UNC79: variants seen among roughly 807,000 people sequenced by gnomAD.
UNC79 encodes the protein protein unc-79 homolog.
A neutral mutation model predicts 283.1 loss-of-function variants in UNC79; 37 were observed. That is an observed-to-expected ratio of 0.13 (90% CI 0.10 to 0.17). The LOEUF is 0.17. Ranked by LOEUF, UNC79 falls within the 10% of genes least tolerant of loss-of-function variation. UNC79 has a pLI of 1.00. For missense variants in UNC79, 2,272 were observed against 3,211.1 expected, an observed-to-expected ratio of 0.71 and a Z score of 7.07; for synonymous variants, 1,107 against 1,200.2, an observed-to-expected ratio of 0.92 and a Z score of 1.61.
intron 1 of UNC79, among the ~76,000 whole-genome samples, chr14:93,438,211 G>T (rs2056162773): frequency 4.6e-5 from 7 of 152,004 alleles, no homozygotes; most frequent in Admixed American, 4.6e-4. Context: ...TTGGCTTTGA[G>T]CCTCTAATCA....
intron 40 of UNC79, among the ~76,000 whole-genome samples, chr14:93,665,071 A>G (rs1409180568): frequency 6.6e-6 from 1 of 151,646 alleles, no homozygotes; most frequent in African/African-American, 2.4e-5. Context: ...AAAAATGACA[A>G]TATATAAGTG....
chr14:93,371,860 AC>A (rs1287580519), intron 1 of UNC79, among the ~76,000 whole-genome samples: 7 of 152,160 alleles, frequency 4.6e-5, no homozygotes, highest in Non-Finnish European at 7.3e-5. Flanking sequence ...ACCAAAAAAA[AC>A]AACTGACTTC....
intron 10 of UNC79, among the ~76,000 whole-genome samples, chr14:93,530,819 G>C (rs1016270817): frequency 6.6e-6 from 1 of 152,146 alleles, no homozygotes; most frequent in Non-Finnish European, 1.5e-5. Context: ...TGAGGCAGGA[G>C]AATGGCGTGA....
At chr14:93,384,934 A>T (rs2054738768) in intron 1 of UNC79, among the ~76,000 whole-genome samples, 1 of 152,202 alleles carries the variant, frequency 6.6e-6, no homozygotes, top group Admixed American at 6.5e-5. Flanking sequence ...TTTATTGAAG[A>T]GACTGCCTTT....
intron 14 of UNC79, among the ~76,000 whole-genome samples, chr14:93,563,798 G>A (rs1033551679): frequency 4.6e-5 from 7 of 152,134 alleles, no homozygotes; most frequent in South Asian, 2.1e-4. Flanking sequence ...GTGGGAGCCC[G>A]GATTGAAGTC....
At chr14:93,652,117 G>C (rs2070351073) in intron 35 of UNC79, among the ~76,000 whole-genome samples, 2 of 152,006 alleles carry the variant, frequency 1.3e-5, no homozygotes, top group South Asian at 2.1e-4. Flanking sequence ...TGTAATCATA[G>C]AGATGGGAGA....
At chr14:93,537,220 C>G (rs181238530) in intron 11 of UNC79, among the ~76,000 whole-genome samples, 1 of 152,368 alleles carries the variant, frequency 6.6e-6, no homozygotes, top group East Asian at 1.9e-4. Flanking sequence ...CTGCCTCACT[C>G]CTCTGCCTCC....
intron 41 of UNC79, among the ~76,000 whole-genome samples, chr14:93,682,387 C>T (rs2073917203): frequency 6.6e-6 from 1 of 152,122 alleles, no homozygotes; most frequent in Non-Finnish European, 1.5e-5. Context: ...TGCACCATTT[C>T]AGTGCCACTT....
At chr14:93,458,954 G>A (rs995221213) in intron 1 of UNC79, among the ~76,000 whole-genome samples, 7 of 152,186 alleles carry the variant, frequency 4.6e-5, no homozygotes, top group African/African-American at 1.7e-4. Flanking sequence ...CAAAAATTTT[G>A]GAAGCAGATA....
chr14:93,525,408 C>T (rs892892582), intron 8 of UNC79, among the ~76,000 whole-genome samples: 1 of 151,844 alleles, frequency 6.6e-6, no homozygotes, highest in Non-Finnish European at 1.5e-5. Flanking sequence ...GAGATTGCAC[C>T]ACTGCACTCC....
intron 42 of UNC79, among the ~76,000 whole-genome samples, chr14:93,683,664 C>T (rs916488543): frequency 3.3e-5 from 5 of 151,928 alleles, no homozygotes; most frequent in African/African-American, 7.3e-5. Flanking sequence ...AATTAAAAGA[C>T]GAACATTCCA....
chr14:93,390,505 G>A (rs988778990), intron 1 of UNC79, among the ~76,000 whole-genome samples: 3 of 152,106 alleles, frequency 2.0e-5, no homozygotes, highest in African/African-American at 7.2e-5. Flanking sequence ...ATACAAATTG[G>A]AAATGAGTAA....
Position 93,688,531 on chromosome 14 carries a change from G to C in UNC79, c.6910-134G>C, listed in dbSNP as rs1163914577. 1.1e-6 allele frequency: 1 copy of C among 951,928 alleles called. No homozygotes were observed. Among genetic ancestry groups the C allele is most frequent in the Non-Finnish European group, 1.5e-6 (1 of 650,404 alleles). 59.0% of individuals were successfully genotyped at this position (951,928 alleles called of 1,614,324 possible). A position where few individuals can be genotyped will look rare whatever the true frequency, so the allele number is the denominator to read the frequency against. ...ATCCTAAGAACAATGGGAAGGCTCTGAAGAAGTTTAAGCAGGTTGTTTGCT... is the reference window on the plus strand; with the variant it reads ...ATCCTAAGAACAATGGGAAGGCTCTCAAGAAGTTTAAGCAGGTTGTTTGCT... On this transcript the variant is annotated intron_variant, in intron 43 of 48. Coordinates refer to ENST00000555664, the Ensembl canonical transcript of UNC79. This position sits in a 1 kb window ranked among gnomAD's most constrained non-coding sequence, Gnocchi z 4.0.
chr14:93,550,540 A>AC (rs1567095810), intron 14 of UNC79, among the ~76,000 whole-genome samples: 18 of 149,916 alleles, frequency 1.2e-4, no homozygotes, highest in African/African-American at 4.2e-4. Flanking sequence ...AAAAAAAAAA[A>AC]AGAGGAAGGA....
intron 7 of UNC79, among the ~76,000 whole-genome samples, chr14:93,506,202 G>A (rs1036908565): frequency 1.1e-4 from 17 of 150,814 alleles, no homozygotes; most frequent in Non-Finnish European, 2.2e-4. Flanking sequence ...TGTTTCTTAA[G>A]GCTATTTTCT....
At chr14:93,502,565 T>C (rs1346783012) in intron 7 of UNC79, among the ~76,000 whole-genome samples, 1 of 152,248 alleles carries the variant, frequency 6.6e-6, no homozygotes, top group Non-Finnish European at 1.5e-5. Flanking sequence ...TGTTGTTCTA[T>C]GCTTTTCTGC....
chr14:93,700,450 C>G (rs1286774052), intron 47 of UNC79, among the ~76,000 whole-genome samples: 1 of 152,066 alleles, frequency 6.6e-6, no homozygotes, highest in African/African-American at 2.4e-5. Flanking sequence ...ATGTCCTTGT[C>G]TGTTAGTTCT....
intron 42 of UNC79, 150 bp from the exon 46 acceptor site, chr14:93,686,422 C>G (rs2296686): frequency 0.51 from 388,637 of 758,490 alleles, 107,685 homozygotes; most frequent in Non-Finnish European, 0.58. Flanking sequence ...GCTGGGCAGA[C>G]AGTCACAGAC....
At chr14:93,630,277 A>G (rs2067917635) in intron 30 of UNC79, among the ~76,000 whole-genome samples, 1 of 152,208 alleles carries the variant, frequency 6.6e-6, no homozygotes, top group African/African-American at 2.4e-5. Context: ...GGTTAAAGAC[A>G]AGGTGCTCTG....
Sources: allele counts gnomAD v4.1 joint callset (sites outside exome capture counted in the v4.1 genomes callset), GRCh38; gene constraint gnomAD v4.1.1; non-coding constraint Gnocchi (gnomAD v3.1); transcripts MANE v1.5; gene names NCBI Gene and HGNC (gene_info 2026-07-23, HGNC 2026-07-21).